Variants in LRRC4C observed in about 807,000 individuals in gnomAD.
LRRC4C encodes the protein leucine rich repeat containing 4C.
LRRC4C carries 5 observed loss-of-function variants against 33.6 expected under a neutral mutation model. The observed-to-expected ratio is 0.15, with a 90% CI of 0.08 to 0.31. The LOEUF is 0.31. Ranked by LOEUF, LRRC4C falls within the 10% of genes least tolerant of loss-of-function variation. The probability of loss-of-function intolerance (pLI) is 1.00; values close to 1 mark genes in which losing one functional copy is unlikely to be tolerated. For synonymous variants in LRRC4C, 329 were observed against 302.0 expected (o/e 1.09, Z -0.93); for missense variants, 560 against 796.7 (o/e 0.70, Z 3.58).
chr11:41,098,898 G>T (rs867431220), intron 1 of LRRC4C, among the ~76,000 whole-genome samples: 2 of 151,966 alleles, frequency 1.3e-5, no homozygotes, highest in Middle Eastern at 3.2e-3. Flanking sequence ...GAATGTAGGA[G>T]ATGGTTTTCT....
intron 3 of LRRC4C, among the ~76,000 whole-genome samples, chr11:40,456,271 TTATC>T (rs1482532604): frequency 2.0e-4 from 30 of 152,220 alleles, no homozygotes; most frequent in African/African-American, 7.2e-4. Flanking sequence ...CAAATTAAAT[TTATC>T]TATATGTATA....
chr11:40,276,292 A>G (rs1010277222), intron 4 of LRRC4C, among the ~76,000 whole-genome samples: 9 of 152,234 alleles, frequency 5.9e-5, no homozygotes, highest in African/African-American at 1.7e-4. Context: ...AGACAATAGG[A>G]AGCAAGAGCC....
intron 1 of LRRC4C, among the ~76,000 whole-genome samples, chr11:41,112,397 C>A (rs898835033): frequency 6.6e-6 from 1 of 152,004 alleles, no homozygotes. Flanking sequence ...GTGTTCTTCC[C>A]CTGTCTTAGA....
chr11:40,392,225 C>A (rs944634149), intron 3 of LRRC4C, among the ~76,000 whole-genome samples: 2 of 152,074 alleles, frequency 1.3e-5, no homozygotes, highest in Admixed American at 6.6e-5. Flanking sequence ...CTGTATGATA[C>A]TCTAATGATG....
At chr11:41,438,409 C>T (rs1955509820) in intron 1 of LRRC4C, among the ~76,000 whole-genome samples, 2 of 151,986 alleles carry the variant, frequency 1.3e-5, no homozygotes, top group Admixed American at 1.3e-4. Flanking sequence ...AATAATCCAA[C>T]AAAAAGCTGA....
At chr11:41,362,203 A>T (rs531199116) in intron 1 of LRRC4C, among the ~76,000 whole-genome samples, 83 of 152,054 alleles carry the variant, frequency 5.5e-4, no homozygotes, top group African/African-American at 2.0e-3. Context: ...AGATCTCACA[A>T]CCCTTTCATT....
At chr11:41,022,203 T>C (rs1000036259) in intron 1 of LRRC4C, among the ~76,000 whole-genome samples, 1 of 149,878 alleles carries the variant, frequency 6.7e-6, no homozygotes, top group Non-Finnish European at 1.5e-5. Flanking sequence ...TTACTGAATA[T>C]ACAGAACATA....
chr11:40,682,370 T>A (rs1944734156), intron 2 of LRRC4C, among the ~76,000 whole-genome samples: 1 of 152,064 alleles, frequency 6.6e-6, no homozygotes, highest in African/African-American at 2.4e-5. Flanking sequence ...TATCTGCCAC[T>A]CAAACACTGC....
chr11:41,259,062 C>A (rs2136709911), intron 1 of LRRC4C, among the ~76,000 whole-genome samples: 1 of 152,126 alleles, frequency 6.6e-6, no homozygotes, highest in East Asian at 1.9e-4. Context: ...CAGACTATAT[C>A]CTTTCTAATC....
intron 1 of LRRC4C, among the ~76,000 whole-genome samples, chr11:41,453,543 T>TGGCATAAAAGAACAGACATGG (rs751489333): frequency 2.3e-3 from 351 of 152,178 alleles, no homozygotes; most frequent in Admixed American, 3.9e-3. Flanking sequence ...AAAGAAACCA[T>TGGCATAAAAGAACAGACATGG]GGCATAAAAG....
chr11:40,647,302 G>C (rs564284129), intron 3 of LRRC4C, among the ~76,000 whole-genome samples: 1 of 152,246 alleles, frequency 6.6e-6, no homozygotes, highest in South Asian at 2.1e-4. Context: ...CAGTAAAAGG[G>C]AAAGTACAAA....
chr11:40,637,917 T>G (rs1210819485), intron 3 of LRRC4C, among the ~76,000 whole-genome samples: 1 of 152,210 alleles, frequency 6.6e-6, no homozygotes, highest in Non-Finnish European at 1.5e-5. Context: ...GGCTAATCTA[T>G]AGTACCTTGT....
chr11:41,336,882 T>C lies in LRRC4C; in HGVS notation c.-496+122549A>G, dbSNP rs978638153. On this transcript the variant is annotated intron_variant, in intron 1 of 6. Coordinates refer to ENST00000528697, the MANE Select transcript of LRRC4C (RefSeq NM_001258419.2). ...CATGGACACCATCTCATTTAATCCTTAAAATAGTTTAATGCAATAAACACA... is the reference window on the plus strand; with the variant it reads ...CATGGACACCATCTCATTTAATCCTCAAAATAGTTTAATGCAATAAACACA... Among the ~76,000 whole-genome samples, 4 of 151,894 alleles carry C rather than the reference T, an allele frequency of 2.6e-5. No individual in the cohort carries two copies. In the South Asian group the frequency reaches 8.3e-4, roughly 32 times the overall value.
chr11:40,815,722 G>A (rs1485067951), intron 2 of LRRC4C, among the ~76,000 whole-genome samples: 1 of 152,090 alleles, frequency 6.6e-6, no homozygotes, highest in African/African-American at 2.4e-5. Context: ...AATTCAGTGG[G>A]AATGCCATCA....
intron 1 of LRRC4C, among the ~76,000 whole-genome samples, chr11:41,304,003 G>A (rs1159145885): frequency 1.3e-5 from 1 of 75,926 alleles, no homozygotes; most frequent in Non-Finnish European, 3.2e-5. Flanking sequence ...GGTGGGGGGG[G>A]TCAGCCCCCC....
chr11:40,165,949 A>C (rs1202258959), intron 5 of LRRC4C, among the ~76,000 whole-genome samples: 3 of 152,200 alleles, frequency 2.0e-5, no homozygotes, highest in African/African-American at 4.8e-5. Flanking sequence ...CTGTCTCAAA[A>C]AAACAAACAA....
At chr11:40,317,843 C>T (rs974784208) in intron 4 of LRRC4C, among the ~76,000 whole-genome samples, 25 of 152,058 alleles carry the variant, frequency 1.6e-4, no homozygotes, top group African/African-American at 6.0e-4. Flanking sequence ...ATGAGAGAAA[C>T]CAGGTTCCTC....
At chr11:40,213,193 C>T (rs1481152059) in intron 5 of LRRC4C, among the ~76,000 whole-genome samples, 2 of 152,078 alleles carry the variant, frequency 1.3e-5, no homozygotes, top group East Asian at 1.9e-4. Flanking sequence ...ACTGTTAGAG[C>T]AGCAAAGTTT....
intron 4 of LRRC4C, among the ~76,000 whole-genome samples, chr11:40,276,128 A>T (rs1345949086): frequency 1.3e-5 from 2 of 152,144 alleles, no homozygotes; most frequent in African/African-American, 4.8e-5. Flanking sequence ...TAGTAGGAGA[A>T]CTGCATTAAA....
Sources: gnomAD v4.1 joint callset for allele counts (sites outside exome capture counted in the v4.1 genomes callset) on GRCh38, gnomAD v4.1.1 for gene constraint, MANE v1.5 for transcripts, NCBI Gene and HGNC (gene_info 2026-07-23, HGNC 2026-07-21) for gene names.